Variants in DPYD observed in about 807,000 individuals in gnomAD.
DPYD encodes dihydropyrimidine dehydrogenase.
A neutral mutation model predicts 116.2 loss-of-function variants in DPYD; 109 were observed. The observed-to-expected ratio is 0.94, with a 90% confidence interval of 0.80 to 1.10. The LOEUF (loss-of-function observed/expected upper bound fraction) is 1.10, where lower values mean the gene tolerates loss of function less well. Among genes scored for constraint, DPYD ranks in the 50% least tolerant of loss-of-function variants. The pLI is 0.00. For synonymous variants in DPYD, 440 were observed against 432.0 expected, an observed-to-expected ratio of 1.02 and a Z score of -0.23; for missense variants, 1,302 against 1,254.5, an observed-to-expected ratio of 1.04 and a Z score of -0.57.
intron 13 of DPYD, among the ~76,000 whole-genome samples, chr1:97,475,586 T>A (rs1677913362): frequency 6.6e-6 from 1 of 152,228 alleles, no homozygotes; most frequent in Non-Finnish European, 1.5e-5. Context: ...AGCCAAATTT[T>A]ATTTGTAAAG....
intron 2 of DPYD, among the ~76,000 whole-genome samples, chr1:97,861,127 G>A (rs1047017301): frequency 2.6e-5 from 4 of 151,768 alleles, no homozygotes; most frequent in East Asian, 1.9e-4. Flanking sequence ...AAAATACACC[G>A]CAAAAAATAG....
intron 11 of DPYD, among the ~76,000 whole-genome samples, chr1:97,562,630 T>C (rs779919702): frequency 1.2e-4 from 19 of 152,204 alleles, no homozygotes; most frequent in Non-Finnish European, 2.5e-4. Context: ...GTATATTACA[T>C]TTGAATTGAG....
intron 12 of DPYD, among the ~76,000 whole-genome samples, chr1:97,542,152 G>A (rs1320003580): frequency 6.6e-6 from 1 of 152,080 alleles, no homozygotes; most frequent in Non-Finnish European, 1.5e-5. Context: ...ATCTCATCAT[G>A]TTCTACTCCT....
Position 97,549,590 on chromosome 1 carries a change from T to A in DPYD, c.1494A>T (p.Gln498His), listed in dbSNP as rs116364703. 7 of 1,613,750 alleles carry A rather than the reference T, an allele frequency of 4.3e-6. No homozygotes were observed. The African/African-American group carries it at 8.0e-5, about 18-fold the overall frequency. The change falls in exon 12 of 23, where the codon CAA becomes CAT. Residue 498 changes from glutamine (Q) to histidine (H), a missense_variant. Coordinates refer to ENST00000370192, the MANE Select transcript of DPYD (RefSeq NM_000110.4). Reference sequence around the variant, plus strand: ...CGTATTTGTGAATGTACCAAGAAGCTTGCTTTCCATCATTCACCGATTCCA... The same window carrying A: ...CGTATTTGTGAATGTACCAAGAAGCATGCTTTCCATCATTCACCGATTCCA... ...TTVESVNDGK[Q>H]ASWYIHKYVQ... is the part of the protein sequence containing the mutation.
intron 2 of DPYD, among the ~76,000 whole-genome samples, chr1:97,862,235 AG>A (rs1671154292): frequency 6.6e-6 from 1 of 151,930 alleles, no homozygotes; most frequent in African/African-American, 2.4e-5. Flanking sequence ...AACTCATAAA[AG>A]CATTTAACAC....
intron 16 of DPYD, among the ~76,000 whole-genome samples, chr1:97,350,362 A>T (rs796140154): frequency 4.6e-5 from 7 of 152,296 alleles, no homozygotes; most frequent in African/African-American, 1.7e-4. Context: ...ACTGATACTT[A>T]AAAATAATTT....
chr1:97,317,991 G>C (rs1243383070), intron 16 of DPYD, among the ~76,000 whole-genome samples: 1 of 151,510 alleles, frequency 6.6e-6, no homozygotes, highest in Non-Finnish European at 1.5e-5. Context: ...AGCTTCATAA[G>C]TGAAGGAGAA....
chr1:97,378,192 G>A (rs6672867), intron 15 of DPYD, among the ~76,000 whole-genome samples: 64,597 of 151,920 alleles, frequency 0.43, 14,277 homozygotes, highest in Admixed American at 0.52. Flanking sequence ...TGTAAAGTCA[G>A]TTACTATCTC....
chr1:97,493,401 T>C (rs780601079), intron 13 of DPYD, among the ~76,000 whole-genome samples: 1 of 152,208 alleles, frequency 6.6e-6, no homozygotes, highest in Non-Finnish European at 1.5e-5. Context: ...GAAAAAACTT[T>C]TTCATTGCCT....
At chr1:97,711,358 T>C (rs1662275538) in intron 5 of DPYD, among the ~76,000 whole-genome samples, 1 of 151,960 alleles carries the variant, frequency 6.6e-6, no homozygotes, top group South Asian at 2.1e-4. Context: ...CAAAATAATC[T>C]ACCACAAAGC....
At chr1:97,420,960 G>A (rs185812932) in intron 14 of DPYD, among the ~76,000 whole-genome samples, 1 of 152,224 alleles carries the variant, frequency 6.6e-6, no homozygotes, top group African/African-American at 2.4e-5. Context: ...AAACTATTTA[G>A]TTGCTGCCTT....
At chr1:97,239,864 T>C (rs1366245421) in intron 18 of DPYD, among the ~76,000 whole-genome samples, 6 of 152,206 alleles carry the variant, frequency 3.9e-5, no homozygotes, top group Non-Finnish European at 7.4e-5. Flanking sequence ...TAGAGCTGTT[T>C]TGAAGAATAA....
chr1:97,649,397 A>G (rs1292819308), intron 8 of DPYD, among the ~76,000 whole-genome samples: 2 of 152,122 alleles, frequency 1.3e-5, no homozygotes, highest in East Asian at 1.9e-4. Flanking sequence ...AAGGTTGTAG[A>G]AATTCTTTTT....
chr1:97,116,705 TAA>T, intron 20 of DPYD, among the ~76,000 whole-genome samples: 1 of 151,922 alleles, frequency 6.6e-6, no homozygotes, highest in African/African-American at 2.4e-5. Context: ...TACAAATATA[TAA>T]ATATACAAAT....
At position 97,234,870 on chromosome 1, in the gene DPYD, A is replaced by G. The variant is rs1255970596; in HGVS notation, c.2424T>C (p.Ser808=). The change falls in exon 19 of 23, where the codon AGT becomes AGC. Residue 808 remains serine, a synonymous_variant. Coordinates refer to ENST00000370192, the MANE Select transcript of DPYD (RefSeq NM_000110.4). ...SAESGLQFLH[S]GASVLQVCSA... Reference sequence around the variant, plus strand: ...TGACTACCTGGAGGACGGAAGCACCACTATGGAGAAACTGAAGACCACTTT... The same window carrying G: ...TGACTACCTGGAGGACGGAAGCACCGCTATGGAGAAACTGAAGACCACTTT... 14 of 1,613,882 alleles carry G rather than the reference A, an allele frequency of 8.7e-6. No homozygotes were observed. The East Asian group carries it at 2.7e-4, about 31-fold the overall frequency.
chr1:97,860,351 G>C (rs908429727), intron 2 of DPYD, among the ~76,000 whole-genome samples: 1 of 151,990 alleles, frequency 6.6e-6, no homozygotes, highest in Admixed American at 6.6e-5. Flanking sequence ...TACTTACTAC[G>C]GGAAAACAAT....
At chr1:97,744,349 G>A (rs900335966) in intron 3 of DPYD, among the ~76,000 whole-genome samples, 1 of 151,902 alleles carries the variant, frequency 6.6e-6, no homozygotes, top group Admixed American at 6.6e-5. Context: ...TCTTTTATTG[G>A]TAACCATCCA....
intron 4 of DPYD, among the ~76,000 whole-genome samples, chr1:97,736,920 A>C (rs753325514): frequency 6.6e-6 from 1 of 151,144 alleles, no homozygotes; most frequent in Non-Finnish European, 1.5e-5. Context: ...TACATAGCAT[A>C]TGTACACCAA....
At chr1:97,737,349 C>T (rs1426873970) in intron 4 of DPYD, among the ~76,000 whole-genome samples, 2 of 152,104 alleles carry the variant, frequency 1.3e-5, no homozygotes, top group Non-Finnish European at 2.9e-5. Flanking sequence ...CTTTTTGTTG[C>T]ATATATCTAA....
Sources: allele counts gnomAD v4.1 joint callset (sites outside exome capture counted in the v4.1 genomes callset), GRCh38; gene constraint gnomAD v4.1.1; transcripts MANE v1.5; gene names NCBI Gene and HGNC (gene_info 2026-07-23, HGNC 2026-07-21).